Variants in PACRG observed in about 807,000 individuals in gnomAD.
PACRG encodes the protein parkin coregulated gene protein.
A neutral mutation model predicts 29.7 loss-of-function variants in PACRG; 29 were observed. That is an observed-to-expected ratio of 0.98 (90% CI 0.73 to 1.33). The LOEUF (loss-of-function observed/expected upper bound fraction) is 1.33. Ranked by LOEUF, PACRG falls within the 40% of genes most tolerant of loss-of-function variation. The pLI is 0.00. For synonymous variants in PACRG, 116 were observed against 118.7 expected, an observed-to-expected ratio of 0.98 and a Z score of 0.15; for missense variants, 279 against 316.2, an observed-to-expected ratio of 0.88 and a Z score of 0.89.
At chr6:163,174,506 T>C (rs913188123) in intron 4 of PACRG, among the ~76,000 whole-genome samples, 4 of 152,200 alleles carry the variant, frequency 2.6e-5, no homozygotes, top group African/African-American at 7.2e-5. Context: ...TATAGAATCA[T>C]AGTGCAAGAA....
chr6:163,132,895 T>C (rs1816793763), intron 4 of PACRG, among the ~76,000 whole-genome samples: 1 of 152,166 alleles, frequency 6.6e-6, no homozygotes, highest in South Asian at 2.1e-4. Context: ...TTCCCAAGAA[T>C]TAGTAAAGAA....
In PACRG at chr6:163,106,672, T is replaced by C. The variant is rs140445633; in HGVS notation, c.613+17264T>C. Among the ~76,000 whole-genome samples the C allele has an allele frequency of 4.2e-3, 637 of 152,334 alleles. 5 individuals carry two copies. Among genetic ancestry groups the C allele is most frequent in the African/African-American group, 0.014 (591 of 41,584 alleles). ...TAGTTAATAGAGTATGCGTAGATTT[T>C]GCTGAGTTAATAAATCCAATGCAAA... On this transcript the variant is annotated intron_variant, in intron 4 of 4. Transcript: ENST00000366888.
In PACRG at chr6:162,754,273, G is replaced by A. The variant is rs114029035; in HGVS notation, c.156+25882G>A. Among the ~76,000 whole-genome samples the A allele has an allele frequency of 1.8e-3, 270 of 152,144 alleles. 1 individual carries two copies. Among genetic ancestry groups the A allele is most frequent in the African/African-American group, 6.3e-3 (263 of 41,538 alleles). On this transcript the variant is annotated intron_variant, in intron 1 of 4. Transcript: ENST00000366888. ...TTTTTCATATACTTGTCAGCCATTT[G>A]TATCTCTTTTTTTGAGAAATGTCTG...
chr6:163,004,204 T>C (rs575827608), intron 2 of PACRG, among the ~76,000 whole-genome samples: 23 of 150,640 alleles, frequency 1.5e-4, no homozygotes, highest in Admixed American at 4.0e-4. Flanking sequence ...TATATTATTA[T>C]ATATACAGAA....
At chr6:162,896,680 A>G (rs1015408949) in intron 2 of PACRG, among the ~76,000 whole-genome samples, 4 of 152,242 alleles carry the variant, frequency 2.6e-5, no homozygotes, top group African/African-American at 9.6e-5. Context: ...TGAAACATGT[A>G]TCAGAATTTT....
rs142721716 is a variant in PACRG at position 163,188,034 on chromosome 6, C to G, written c.613+98626C>G. On this transcript the variant is annotated intron_variant, in intron 4 of 4. Transcript: ENST00000366888. ...ATGAGCATATCTCTTTGAAACACCC[C>G]TTACAATATTAGTTTTTAAAATTCT... 3.6e-3 allele frequency among the ~76,000 whole-genome samples: 542 copies of G among 152,268 alleles called. 7 individuals are homozygous for G. The highest frequency in any genetic ancestry group is 0.013 in the African/African-American group (523 of 41,536).
intron 4 of PACRG, among the ~76,000 whole-genome samples, chr6:163,172,708 C>G (rs1013058968): frequency 2.6e-5 from 4 of 152,206 alleles, no homozygotes; most frequent in African/African-American, 7.2e-5. Flanking sequence ...ACTGTGCGGT[C>G]TCCAGAAAGT....
intron 2 of PACRG, among the ~76,000 whole-genome samples, chr6:162,894,753 C>T (rs955183363): frequency 6.6e-6 from 1 of 152,142 alleles, no homozygotes; most frequent in Non-Finnish European, 1.5e-5. Context: ...GTGTGAAACA[C>T]GCTTGTGGAA....
intron 2 of PACRG, chr6:162,892,156 C>T (rs539426726): frequency 6.6e-6 from 1 of 152,428 alleles, no homozygotes; most frequent in Non-Finnish European, 1.5e-5. Flanking sequence ...CACCACCAGT[C>T]CGCTTGGTTC....
chr6:162,992,590 C>A (rs1488515059), intron 2 of PACRG, among the ~76,000 whole-genome samples: 1 of 119,866 alleles, frequency 8.3e-6, no homozygotes, highest in Admixed American at 8.8e-5. Flanking sequence ...GGTGATATCC[C>A]CTTTATCATT....
chr6:163,304,124 T>C (rs1785108119), intron 4 of PACRG, among the ~76,000 whole-genome samples: 1 of 152,004 alleles, frequency 6.6e-6, no homozygotes, highest in South Asian at 2.1e-4. Flanking sequence ...AACCCCACTT[T>C]AAGTTGAGGA....
intron 1 of PACRG, among the ~76,000 whole-genome samples, chr6:162,811,865 A>G (rs528422116): frequency 1.3e-5 from 2 of 152,244 alleles, no homozygotes; most frequent in Admixed American, 6.5e-5. Flanking sequence ...CAGCTCCAAT[A>G]AGCATTTCCT....
intron 4 of PACRG, among the ~76,000 whole-genome samples, chr6:163,098,765 G>A (rs1033165351): frequency 1.3e-5 from 2 of 152,210 alleles, no homozygotes; most frequent in South Asian, 4.1e-4. Context: ...CCCAAGGGCT[G>A]CTGGTTGCCC....
At chr6:163,053,391 CTTATTG>C (rs1449083367) in intron 2 of PACRG, among the ~76,000 whole-genome samples, 3 of 151,998 alleles carry the variant, frequency 2.0e-5, no homozygotes, top group Non-Finnish European at 4.4e-5. Context: ...ATAAGGACCT[CTTATTG>C]TTATTTATAT....
intron 4 of PACRG, among the ~76,000 whole-genome samples, chr6:163,100,373 G>A (rs1241082900): frequency 6.6e-6 from 1 of 152,138 alleles, no homozygotes; most frequent in Non-Finnish European, 1.5e-5. Context: ...CTGCTGCCTC[G>A]GCCTTTCCAT....
chr6:162,979,899 C>A (rs934578599), intron 2 of PACRG, among the ~76,000 whole-genome samples: 18 of 151,872 alleles, frequency 1.2e-4, no homozygotes, highest in Non-Finnish European at 1.9e-4. Context: ...TAAAAATTCT[C>A]CCTCAGAGCT....
intron 4 of PACRG, among the ~76,000 whole-genome samples, chr6:163,307,994 T>C (rs1244030758): frequency 6.6e-6 from 1 of 152,192 alleles, no homozygotes; most frequent in Non-Finnish European, 1.5e-5. Flanking sequence ...CAGGTAACAC[T>C]ATTTCTATAT....
At chr6:162,829,605 G>A (rs1788570524) in intron 2 of PACRG, among the ~76,000 whole-genome samples, 1 of 152,172 alleles carries the variant, frequency 6.6e-6, no homozygotes, top group African/African-American at 2.4e-5. Context: ...CTGCATATTC[G>A]ATGGTGGGAC....
chr6:162,823,363 A>G (rs1787999337), intron 2 of PACRG, among the ~76,000 whole-genome samples: 1 of 151,940 alleles, frequency 6.6e-6, no homozygotes, highest in Admixed American at 6.6e-5. Context: ...ACTTATTGTT[A>G]CTCTGTCCCA....
Sources: allele counts gnomAD v4.1 joint callset (sites outside exome capture counted in the v4.1 genomes callset), GRCh38; gene constraint gnomAD v4.1.1; transcripts MANE v1.5; gene names NCBI Gene and HGNC (gene_info 2026-07-23, HGNC 2026-07-21).